MASTL: variants seen among roughly 807,000 people sequenced by gnomAD.
The protein encoded by MASTL is serine/threonine-protein kinase greatwall.
Under a neutral mutation model 82.5 loss-of-function variants are expected in MASTL, and 54 were observed. The ratio of observed to expected loss-of-function variants is 0.65; its 90% CI spans 0.53 to 0.82. The LOEUF is 0.82. Ranked by LOEUF, MASTL falls within the 40% of genes least tolerant of loss-of-function variation. The pLI is 0.00. For missense variants in MASTL, 950 were observed against 1,047.8 expected, an observed-to-expected ratio of 0.91 and a Z score of 1.29; for synonymous variants, 323 against 368.9, an observed-to-expected ratio of 0.88 and a Z score of 1.43.
In MASTL at chr10:27,181,025, A is replaced by T. The variant is rs772747974; in HGVS notation, c.2339A>T (p.Asp780Val). The T allele has an allele frequency of 2.5e-6, 4 of 1,612,028 alleles. No homozygotes were observed. In the African/African-American group the frequency reaches 5.3e-5, roughly 22 times the overall value. ...CTAACAGGAATTCCCCCTTTCAATG[A>T]TGAAACACCACAACAAGTATTCCAG... ...EFLTGIPPFN[D>V]ETPQQVFQNI... Residue 780 changes from aspartate to valine, a missense_variant, in exon 10 of 12, where the codon GAT becomes GTT. Physicochemically the swap from Asp to Val is radical, Grantham distance 152. Coordinates refer to ENST00000375940, the MANE Select transcript of MASTL (RefSeq NM_001172303.3).
At chr10:27,174,358 AAAAAT>A (rs933047033) in intron 9 of MASTL, among the ~76,000 whole-genome samples, 1 of 151,930 alleles carries the variant, frequency 6.6e-6, no homozygotes, top group Non-Finnish European at 1.5e-5. Flanking sequence ...CTGTCTAAAA[AAAAAT>A]AAAAATAAAA....
Position 27,165,083 on chromosome 10 carries a change from C to T in MASTL, c.573C>T (p.Ile191=). 1 of 1,601,186 alleles carries T rather than the reference C, an allele frequency of 6.2e-7. No individual in the cohort carries two copies. Among genetic ancestry groups the T allele is most frequent in the Non-Finnish European group, 8.6e-7 (1 of 1,168,452 alleles). ...TLNRDINMMD[I]LTTPSMAKPR... ...ACATAGATATTAATATGATGGATAT[C>T]CTTACAACACCATCAATGGCAAAAC... Residue 191 remains isoleucine, a synonymous_variant, in exon 5 of 12, where the codon ATC becomes ATT. Transcript: ENST00000375940.
intron 7 of MASTL, among the ~76,000 whole-genome samples, chr10:27,167,922 CACTTT>C (rs1276345904): frequency 8.5e-5 from 13 of 152,144 alleles, no homozygotes; most frequent in Admixed American, 1.3e-4. Flanking sequence ...TACTTAAAGT[CACTTT>C]ACTTAACTTA....
At chr10:27,183,835 C>G (rs985360971) in intron 11 of MASTL, among the ~76,000 whole-genome samples, 13 of 152,048 alleles carry the variant, frequency 8.5e-5, no homozygotes, top group Non-Finnish European at 1.8e-4. Flanking sequence ...CCTCAGCCTC[C>G]CAAGTAGCTG....
At chr10:27,156,588 C>T (rs2057389521) in intron 1 of MASTL, among the ~76,000 whole-genome samples, 1 of 152,094 alleles carries the variant, frequency 6.6e-6, no homozygotes, top group Non-Finnish European at 1.5e-5. Flanking sequence ...CAGCCTCTGC[C>T]TCCTGGGTTC....
At chr10:27,158,821 C>G in intron 2 of MASTL, 135 bp downstream of exon 2, 2 of 884,222 alleles carry the variant, frequency 2.3e-6, no homozygotes, top group South Asian at 2.8e-5. Flanking sequence ...GCAAATTTAC[C>G]TGTTATATTA....
chr10:27,170,666 T>G lies in MASTL; in HGVS notation c.1707T>G (p.Ser569=). The G allele has an allele frequency of 6.2e-7, 1 of 1,611,416 alleles. No individual in the cohort carries two copies. Among genetic ancestry groups the G allele is most frequent in the Non-Finnish European group, 8.5e-7 (1 of 1,179,342 alleles). ...DRASKNISMN[S]DSSFPGISIM... The stretch of plus-strand genomic sequence containing the variant: ...CTTCTAAAAATATTTCTATGAACTC[T>G]GATTCATCTTTTCCTGGAATTTCTA... The change falls in exon 8 of 12, where the codon TCT becomes TCG. Residue 569 remains serine (S), a synonymous_variant. Coordinates refer to ENST00000375940, the MANE Select transcript of MASTL (RefSeq NM_001172303.3).
At chr10:27,184,857 C>T (rs982222523) in intron 11 of MASTL, among the ~76,000 whole-genome samples, 2 of 151,900 alleles carry the variant, frequency 1.3e-5, no homozygotes, top group African/African-American at 2.4e-5. Flanking sequence ...CATTACTCTG[C>T]CCAAAAGAGC....
rs1327496290 is a variant in MASTL at position 27,158,528 on chromosome 10, CTTTTA to C, written c.187-14_187-10del. ...CTCAAAATAAAATAACATGATATCA[CTTTTA>C]TTTTATCTATTACAGGTTGTTAAAA... On this transcript the variant is annotated splice_polypyrimidine_tract_variant and intron_variant, in intron 1 of 11. Transcript: ENST00000375940. 4 of 1,546,008 alleles carry C rather than the reference CTTTTA, an allele frequency of 2.6e-6. No individual in the cohort carries two copies. Among genetic ancestry groups the C allele is most frequent in the Admixed American group, 1.7e-5 (1 of 59,888 alleles).
intron 9 of MASTL, among the ~76,000 whole-genome samples, chr10:27,176,849 C>CTTTTTT (rs11334357): frequency 8.0e-6 from 1 of 124,828 alleles, no homozygotes; most frequent in South Asian, 2.5e-4. Context: ...TTTCTTTTTT[C>CTTTTTT]TTTTTTTTTT....
chr10:27,181,409 A>T, intron 10 of MASTL, 71 bp from the exon 11 acceptor site: 1 of 1,150,556 alleles, frequency 8.7e-7, no homozygotes, highest in Non-Finnish European at 1.3e-6. Context: ...AAAAAAAAGT[A>T]GTCATTTATC....
intron 9 of MASTL, among the ~76,000 whole-genome samples, chr10:27,176,149 C>G (rs938232561): frequency 5.3e-5 from 8 of 151,954 alleles, no homozygotes; most frequent in African/African-American, 1.9e-4. Context: ...AGCTCTTCCT[C>G]TGTTCCCTAC....
At position 27,171,825 on chromosome 10, in the gene MASTL, CTTTTTTTTT is replaced by C. The variant is rs112511530; in HGVS notation, c.2124+756_2124+764del. ...AGAATAAAAGTTGAAAAATATGTTT[CTTTTTTTTT>C]TTTTTTTTTTTTTGAGACAAAGTCT... On this transcript the variant is annotated intron_variant, in intron 8 of 11. Coordinates refer to ENST00000375940, the MANE Select transcript of MASTL (RefSeq NM_001172303.3). 4.5e-3 allele frequency among the ~76,000 whole-genome samples: 424 copies of C among 93,598 alleles called. 7 individuals carry two copies. The highest frequency in any genetic ancestry group is 0.014 in the African/African-American group (315 of 22,704). The allele number at this position is 93,598 out of a possible 152,430, so 61.4% of individuals were successfully genotyped here.
In MASTL at chr10:27,181,212, C is replaced by T. The variant is rs552638601; in HGVS notation, c.2380+146C>T. 2.0e-4 allele frequency: 134 copies of T among 657,190 alleles called. 2 individuals are homozygous for T. The highest frequency in any genetic ancestry group is 1.7e-3 in the African/African-American group (90 of 54,488). The allele number at this position is 657,190 out of a possible 1,614,324, so 40.7% of individuals were successfully genotyped here. A position where few individuals can be genotyped will look rare whatever the true frequency, so the allele number is the denominator to read the frequency against. ...CCAGCCTGGCCAACATGGTAAAACCCCATCTCTACTAAAAAAAAAATACAA... is the reference window on the plus strand; with the variant it reads ...CCAGCCTGGCCAACATGGTAAAACCTCATCTCTACTAAAAAAAAAATACAA... On this transcript the variant is annotated intron_variant, in intron 10 of 11. Coordinates refer to ENST00000375940, the MANE Select transcript of MASTL (RefSeq NM_001172303.3).
Position 27,156,166 on chromosome 10 carries a change from G to A in MASTL, c.186+554G>A, listed in dbSNP as rs373833788. 2.1e-4 allele frequency among the ~76,000 whole-genome samples: 32 copies of A among 152,138 alleles called. No individual in the cohort carries two copies. In the East Asian group the frequency reaches 4.9e-3, roughly 23 times the overall value. On this transcript the variant is annotated intron_variant, in intron 1 of 11. Coordinates refer to ENST00000375940, the MANE Select transcript of MASTL (RefSeq NM_001172303.3). Reference sequence around the variant, plus strand: ...ACTACAAGCGCCCGTCACCACGCCCGGCTGATTTTTTGTATTTTTAGTAGA... The same window carrying A: ...ACTACAAGCGCCCGTCACCACGCCCAGCTGATTTTTTGTATTTTTAGTAGA...
intron 4 of MASTL, among the ~76,000 whole-genome samples, chr10:27,163,638 T>G (rs2057645958): frequency 6.7e-6 from 1 of 148,880 alleles, no homozygotes; most frequent in Admixed American, 6.8e-5. Context: ...TTTTTTTTTC[T>G]TTGAGACAGA....
chr10:27,186,350 A>G, intron 11 of MASTL, 29 bp from the exon 12 acceptor site: 1 of 1,603,228 alleles, frequency 6.2e-7, no homozygotes, highest in Non-Finnish European at 8.5e-7. Flanking sequence ...TAATGATATC[A>G]TACTGTTTTG....
intron 11 of MASTL, among the ~76,000 whole-genome samples, chr10:27,184,578 T>TTTTTTTTA: frequency 6.8e-6 from 1 of 146,302 alleles, no homozygotes; most frequent in African/African-American, 2.6e-5. Flanking sequence ...TTTTTTTTTT[T>TTTTTTTTA]GAGACGGAAT....
chr10:27,171,579 C>T (rs781517157), intron 8 of MASTL, among the ~76,000 whole-genome samples: 10 of 150,988 alleles, frequency 6.6e-5, no homozygotes, highest in Non-Finnish European at 1.5e-4. Flanking sequence ...TTATAAGGGG[C>T]CCACCACCAC....
Sources: allele counts gnomAD v4.1 joint callset (sites outside exome capture counted in the v4.1 genomes callset), GRCh38; gene constraint gnomAD v4.1.1; transcripts MANE v1.5; gene names NCBI Gene and HGNC (gene_info 2026-07-23, HGNC 2026-07-21).